DOCK5: variants seen among roughly 807,000 people sequenced by gnomAD.
DOCK5 encodes the protein dedicator of cytokinesis 5.
DOCK5 carries 142 observed loss-of-function variants against 251.8 expected under a neutral mutation model. That is an observed-to-expected ratio of 0.56 (90% CI 0.49 to 0.65). DOCK5 has a LOEUF of 0.65. Among genes scored for constraint, DOCK5 ranks in the 30% least tolerant of loss-of-function variants. The pLI, the probability that DOCK5 is intolerant of heterozygous loss-of-function variation, is 0.00. For synonymous variants in DOCK5, 842 were observed against 835.5 expected (o/e 1.01, Z -0.13); for missense variants, 2,111 against 2,312.3 (o/e 0.91, Z 1.79).
intron 1 of DOCK5, among the ~76,000 whole-genome samples, chr8:25,207,937 A>T (rs1288820139): frequency 6.6e-6 from 1 of 152,222 alleles, no homozygotes; most frequent in Non-Finnish European, 1.5e-5. Context: ...AGGATTCCCC[A>T]TTCTAAATGC....
At chr8:25,228,413 A>T (rs1163008176) in intron 1 of DOCK5, among the ~76,000 whole-genome samples, 1 of 152,188 alleles carries the variant, frequency 6.6e-6, no homozygotes, top group Non-Finnish European at 1.5e-5. Context: ...CAGTGGTGTT[A>T]AACAGTGACT....
Position 25,290,979 on chromosome 8 carries a change from C to T in DOCK5, c.322-1045C>T, listed in dbSNP as rs557801399. Among the ~76,000 whole-genome samples, 23 of 152,070 alleles carry T rather than the reference C, an allele frequency of 1.5e-4. No individual in the cohort carries two copies. The South Asian group carries it at 4.6e-3, about 30-fold the overall frequency. ...GTGGGGTAGATTTGGAGGAAGAGGA[C>T]AAAAGAAGAAATAACATATTGAGAG... On this transcript the variant is annotated intron_variant, in intron 5 of 51. Coordinates refer to ENST00000276440, the MANE Select transcript of DOCK5 (RefSeq NM_024940.8).
intron 13 of DOCK5, among the ~76,000 whole-genome samples, chr8:25,311,026 A>C (rs1384214314): frequency 1.3e-5 from 2 of 152,104 alleles, no homozygotes; most frequent in Non-Finnish European, 2.9e-5. Context: ...CCATTCTCTG[A>C]AGCTCCAAAA....
Position 25,372,736 on chromosome 8 carries a change from G to C in DOCK5, c.3684+18G>C, listed in dbSNP as rs750320392. ...ACGTGCTGGTATGTGACATGCCTCCGGTGTGATGGGAGGGTACTGTCAGGC... is the reference window on the plus strand; with the variant it reads ...ACGTGCTGGTATGTGACATGCCTCCCGTGTGATGGGAGGGTACTGTCAGGC... On this transcript the variant is annotated intron_variant, in intron 35 of 51. Transcript: ENST00000276440. The C allele has an allele frequency of 1.2e-6, 2 of 1,604,412 alleles. No individual in the cohort carries two copies. The highest frequency in any genetic ancestry group is 1.7e-6 in the Non-Finnish European group (2 of 1,175,682).
chr8:25,277,325 A>AT (rs1389254893), intron 4 of DOCK5: 1 of 153,056 alleles, frequency 6.5e-6, no homozygotes, highest in African/African-American at 2.4e-5. Flanking sequence ...ATCAATTCTA[A>AT]TTTCCGTGTT....
chr8:25,392,463 A>C (rs983998839), intron 43 of DOCK5, among the ~76,000 whole-genome samples: 2 of 152,166 alleles, frequency 1.3e-5, no homozygotes, highest in East Asian at 3.9e-4. Context: ...GCCAGCTGTC[A>C]TCTCCATGGA....
At chr8:25,259,691 C>G (rs1803519822) in intron 2 of DOCK5, among the ~76,000 whole-genome samples, 1 of 152,082 alleles carries the variant, frequency 6.6e-6, no homozygotes, top group Non-Finnish European at 1.5e-5. Flanking sequence ...GAACTCCTGT[C>G]CTCAAGCGAT....
intron 2 of DOCK5, among the ~76,000 whole-genome samples, chr8:25,246,435 G>A (rs1281790021): frequency 6.6e-6 from 1 of 152,066 alleles, no homozygotes; most frequent in Non-Finnish European, 1.5e-5. Flanking sequence ...CGCCATGCCT[G>A]GCTAATTTTT....
Position 25,332,344 on chromosome 8 carries a change from T to C in DOCK5, c.1997T>C (p.Val666Ala). ...ATGGAAGTGGATGGAGGAGAGATTG[T>C]TAAGGTATGTTTATATATTCATAGT... ...KLMEVDGGEI[V>A]KFLQDTLDAL... is the part of the protein sequence containing the mutation. Residue 666 changes from valine to alanine, a missense_variant, in exon 19 of 52, where the codon GTT (valine) becomes GCT (alanine). Transcript: ENST00000276440. 6.2e-7 allele frequency: 1 copy of C among 1,610,738 alleles called. No individual in the cohort carries two copies. The highest frequency in any genetic ancestry group is 8.5e-7 in the Non-Finnish European group (1 of 1,177,194).
intron 26 of DOCK5, among the ~76,000 whole-genome samples, chr8:25,347,204 C>A (rs1420804514): frequency 1.3e-5 from 2 of 152,184 alleles, no homozygotes; most frequent in Non-Finnish European, 2.9e-5. Context: ...CCCACCTTTT[C>A]TCCTGCTCAT....
intron 40 of DOCK5, among the ~76,000 whole-genome samples, chr8:25,384,455 A>G (rs956229628): frequency 6.6e-5 from 3 of 45,202 alleles, no homozygotes; most frequent in Non-Finnish European, 4.5e-5. Flanking sequence ...TTATTTATTT[A>G]TTTATTTATT....
Position 25,382,675 on chromosome 8 carries a change from A to T in DOCK5, c.4028A>T (p.Lys1343Ile), listed in dbSNP as rs760163787. 1.2e-6 allele frequency: 2 copies of T among 1,606,904 alleles called. No homozygotes were observed. Among genetic ancestry groups the T allele is most frequent in the Non-Finnish European group, 1.7e-6 (2 of 1,176,704 alleles). ...FDYEGLGNLLKKRASFYENII... is the reference protein window; with the variant it reads ...FDYEGLGNLLIKRASFYENII... The stretch of plus-strand genomic sequence containing the variant: ...GGAATGTCTTGTTTTGTTTTCCAGA[A>T]AAAAAGGGCCTCATTTTATGAGAAC... The change falls in exon 40 of 52, where the codon AAA (lysine) becomes ATA (isoleucine). Residue 1343 changes from lysine to isoleucine, a missense_variant and splice_region_variant. Physicochemically the swap from Lys to Ile is moderately radical, Grantham distance 102. This residue lies in a region of DOCK5 where 1,717 missense variants were observed against 1,892.4 expected (regional missense o/e 0.91). Coordinates refer to ENST00000276440, the MANE Select transcript of DOCK5 (RefSeq NM_024940.8).
Position 25,408,002 on chromosome 8 carries a change from T to C in DOCK5, c.5113T>C (p.Leu1705=). 1 of 1,612,672 alleles carries C rather than the reference T, an allele frequency of 6.2e-7. No homozygotes were observed. The change falls in exon 49 of 52, where the codon TTG becomes CTG. Residue 1705 remains leucine, a synonymous_variant. Coordinates refer to ENST00000276440, the MANE Select transcript of DOCK5 (RefSeq NM_024940.8). Reference sequence around the variant, plus strand: ...CAATAGCTCAATCTTGGAGCCACTTTTGGAGCGCAGGGCCTCGTCAGGTGC... The same window carrying C: ...CAATAGCTCAATCTTGGAGCCACTTCTGGAGCGCAGGGCCTCGTCAGGTGC... The part of the protein sequence containing the change: ...GSDGSILEPL[L]ERRASSGARV...
Position 25,245,283 on chromosome 8 carries a change from C to G in DOCK5, c.127+1526C>G, listed in dbSNP as rs141002334. Among the ~76,000 whole-genome samples the G allele has an allele frequency of 4.1e-3, 626 of 152,248 alleles. 2 individuals are homozygous for G. The highest frequency in any genetic ancestry group is 0.014 in the African/African-American group (600 of 41,544). ...ATGTTAGCCAGGATGGTCTCGATCT[C>G]CTGACCTCGTGATCCGCCTGCCTTG... On this transcript the variant is annotated intron_variant, in intron 2 of 51. Transcript: ENST00000276440.
At chr8:25,373,268 G>A (rs143785885) in intron 35 of DOCK5, among the ~76,000 whole-genome samples, 1,571 of 152,248 alleles carry the variant, frequency 0.01, 35 homozygotes, top group African/African-American at 0.037. Context: ...AAAGTGCTGG[G>A]ATTACAGGCG....
Position 25,403,645 on chromosome 8 carries a change from A to G in DOCK5, c.5014A>G (p.Ile1672Val), listed in dbSNP as rs1334012980. 6 of 1,613,862 alleles carry G rather than the reference A, an allele frequency of 3.7e-6. No homozygotes were observed. The African/African-American group carries it at 8.0e-5, about 22-fold the overall frequency. ...GTCTTCCACTCTGCGGAGGTTGTCCATCACCTCAGTCACTTCCTCTGTGGT... is the reference window on the plus strand; with the variant it reads ...GTCTTCCACTCTGCGGAGGTTGTCCGTCACCTCAGTCACTTCCTCTGTGGT... Reference protein sequence around the residue: ...IMSSTLRRLSITSVTSSVVST... With the variant: ...IMSSTLRRLSVTSVTSSVVST... Residue 1672 changes from isoleucine to valine, a missense_variant, in exon 48 of 52, where the codon ATC (isoleucine) becomes GTC (valine). By Grantham distance (29) the Ile-to-Val change is conservative. This residue lies in a region of DOCK5 where 1,717 missense variants were observed against 1,892.4 expected (regional missense o/e 0.91). Transcript: ENST00000276440.
chr8:25,264,137 C>T (rs148296717), intron 2 of DOCK5, among the ~76,000 whole-genome samples: 2 of 151,572 alleles, frequency 1.3e-5, no homozygotes, highest in Admixed American at 6.6e-5. Context: ...TCTAGGCAGG[C>T]GAACCGCTTG....
At chr8:25,261,559 TTTATAGAG>T (rs1249918761) in intron 2 of DOCK5, among the ~76,000 whole-genome samples, 1 of 152,232 alleles carries the variant, frequency 6.6e-6, no homozygotes, top group East Asian at 1.9e-4. Flanking sequence ...AGGTGGTTAC[TTTATAGAG>T]TAATATTCAT....
At chr8:25,332,223 A>G (rs763503500) in intron 18 of DOCK5, 28 bp from the exon 19 acceptor site, 6 of 1,570,016 alleles carry the variant, frequency 3.8e-6, no homozygotes, top group South Asian at 2.2e-5. Context: ...TCTCACCTGT[A>G]TCTAATGTTT....
Sources: gnomAD v4.1 joint callset for allele counts (sites outside exome capture counted in the v4.1 genomes callset) on GRCh38, gnomAD v4.1.1 for gene constraint, gnomAD v4.1.1 regional missense constraint, MANE v1.5 for transcripts, NCBI Gene and HGNC (gene_info 2026-07-23, HGNC 2026-07-21) for gene names.